The following TAF5L variants were observed in gnomAD, a reference collection of about 807,000 sequenced individuals.
The protein encoded by TAF5L is TATA-box binding protein associated factor 5 like, also known as TAF5-like RNA polymerase II p300/CBP-associated factor-associated factor 65 kDa subunit 5L.
In TAF5L, 7 loss-of-function variants were observed where a neutral mutation model predicts 51.3. The ratio of observed to expected loss-of-function variants is 0.14; its 90% CI spans 0.08 to 0.26. The LOEUF (loss-of-function observed/expected upper bound fraction) is 0.26. TAF5L is among the 10% of genes least tolerant of loss of function. TAF5L has a pLI of 1.00. For synonymous variants in TAF5L, 291 were observed against 308.1 expected, an observed-to-expected ratio of 0.94 and a Z score of 0.58; for missense variants, 575 against 758.9, an observed-to-expected ratio of 0.76 and a Z score of 2.85.
intron 1 of TAF5L, among the ~76,000 whole-genome samples, chr1:229,621,481 T>C (rs1274214120): frequency 6.6e-6 from 1 of 152,224 alleles, no homozygotes; most frequent in Non-Finnish European, 1.5e-5. Context: ...TATTTTATAG[T>C]GTTTTCTAAA....
chr1:229,606,152 A>C, intron 3 of TAF5L: 1 of 985,450 alleles, frequency 1.0e-6, no homozygotes, highest in Middle Eastern at 5.2e-4. Context: ...CATAGGTTCA[A>C]AATTGCTTAA....
intron 2 of TAF5L, among the ~76,000 whole-genome samples, chr1:229,613,664 T>C (rs1322528315): frequency 2.0e-4 from 31 of 152,194 alleles, no homozygotes; most frequent in Admixed American, 2.0e-3. Context: ...TAACCTGCTA[T>C]GCCAAATATT....
chr1:229,607,369 A>C, intron 3 of TAF5L: 1 of 985,446 alleles, frequency 1.0e-6, no homozygotes, highest in African/African-American at 1.7e-5. Flanking sequence ...AAATAATTTT[A>C]CAAACTGCTT....
rs750725634 is a variant in TAF5L at position 229,594,409 on chromosome 1, C to G, written c.1658G>C (p.Ser553Thr). 1.2e-6 allele frequency: 2 copies of G among 1,614,224 alleles called. No homozygotes were observed. The highest frequency in any genetic ancestry group is 1.7e-6 in the Non-Finnish European group (2 of 1,180,044). ...CCCGGTGTACACGCCCACGAGCTCG[C>G]TGGAGGAGCCGTCGGCAGGTGCACT... Residue 553 changes from serine (S) to threonine (T), a missense_variant, in exon 5 of 5, where the codon AGC (serine) becomes ACC (threonine). By Grantham distance (58) the Ser-to-Thr change is moderately conservative (BLOSUM62 1). Around this residue, in one of 3 missense-constraint regions of TAF5L, gnomAD observed 91 missense variants for 96.9 expected, o/e 0.94. Transcript: ENST00000258281. The surrounding 1 kb of genome is among the most constrained non-coding windows in gnomAD (Gnocchi z 7.9).
chr1:229,600,847 A>G lies in TAF5L; in HGVS notation c.972+1348T>C. ...AGATGTCATAATGCTATCTTCTTTA[A>G]TATTAATTTTTAATGCACAGAATAA... On this transcript the variant is annotated intron_variant, in intron 4 of 4. Transcript: ENST00000258281. The G allele has an allele frequency of 4.1e-6, 4 of 984,814 alleles. No individual in the cohort carries two copies. The African/African-American group carries it at 5.2e-5, about 13-fold the overall frequency. The allele number at this position is 984,814 out of a possible 1,614,324, so 61.0% of individuals were successfully genotyped here. A position where few individuals can be genotyped will look rare whatever the true frequency, so the allele number is the denominator to read the frequency against.
chr1:229,620,295 A>G (rs1196193542), intron 1 of TAF5L, among the ~76,000 whole-genome samples: 1 of 152,158 alleles, frequency 6.6e-6, no homozygotes, highest in Non-Finnish European at 1.5e-5. Flanking sequence ...CTCTGGGCTC[A>G]TGATCCTCCC....
At position 229,621,168 on chromosome 1, in the gene TAF5L, TTTTAA is replaced by T. The variant is rs111867435; in HGVS notation, c.-4+4712_-4+4716del. 4.5e-4 allele frequency among the ~76,000 whole-genome samples: 68 copies of T among 152,270 alleles called. 1 individual carries two copies. The highest frequency in any genetic ancestry group is 1.6e-3 in the African/African-American group (68 of 41,506). ...TAAGGAACTGAATTGTTTTAACTAA[TTTTAA>T]TTTAAGTAGTCATAAGTGGCCAATG... On this transcript the variant is annotated intron_variant, in intron 1 of 4. Coordinates refer to ENST00000258281, the Ensembl canonical transcript of TAF5L.
chr1:229,617,108 A>C (rs1267457627), intron 1 of TAF5L, among the ~76,000 whole-genome samples: 1 of 152,156 alleles, frequency 6.6e-6, no homozygotes, highest in African/African-American at 2.4e-5. Context: ...TTGCTAATAC[A>C]GGGATTCTGA....
intron 4 of TAF5L, among the ~76,000 whole-genome samples, chr1:229,596,128 G>T (rs1225421609): frequency 1.3e-5 from 2 of 152,138 alleles, no homozygotes; most frequent in African/African-American, 4.8e-5. Flanking sequence ...TAAAAAATTA[G>T]CTGGGCATGG....
chr1:229,607,942 TACAG>T (rs1365430958), intron 3 of TAF5L: 1 of 152,200 alleles, frequency 6.6e-6, no homozygotes, highest in Non-Finnish European at 1.5e-5. Flanking sequence ...AGAATCAAAT[TACAG>T]ACAAAATAAC....
upstream of TAF5L, chr1:229,626,102 C>A (rs1363409780): frequency 1.3e-5 from 2 of 151,424 alleles, no homozygotes; most frequent in Non-Finnish European, 3.0e-5. Flanking sequence ...GGGCCTCCAA[C>A]GCGCAACCGT....
At position 229,594,596 on chromosome 1, in the gene TAF5L, G is replaced by A. The variant is rs528748266; in HGVS notation, c.1471C>T (p.Arg491Trp). Reference sequence around the variant, plus strand: ...GAGGCCAAGTCCCACAGCTTCAACCGCTGGTCCTCGCCAGCAGACGCCAAG... The same window carrying A: ...GAGGCCAAGTCCCACAGCTTCAACCACTGGTCCTCGCCAGCAGACGCCAAG... Residue 491 changes from arginine to tryptophan, a missense_variant, in exon 5 of 5, where the codon CGG becomes TGG. Arg to Trp is a moderately radical substitution (Grantham distance 101). Around this residue, in one of 3 missense-constraint regions of TAF5L, gnomAD observed 104 missense variants for 218.3 expected, o/e 0.48. Coordinates refer to ENST00000258281, the Ensembl canonical transcript of TAF5L. This position sits in a 1 kb window ranked among gnomAD's most constrained non-coding sequence, Gnocchi z 7.9. 3 of 1,614,170 alleles carry A rather than the reference G, an allele frequency of 1.9e-6. No individual in the cohort carries two copies. Among genetic ancestry groups the A allele is most frequent in the South Asian group, 1.1e-5 (1 of 91,078 alleles).
At chr1:229,618,224 C>T (rs1010922542) in intron 1 of TAF5L, among the ~76,000 whole-genome samples, 16 of 152,148 alleles carry the variant, frequency 1.1e-4, no homozygotes, top group African/African-American at 3.9e-4. Flanking sequence ...CCTAGCTTTT[C>T]CTATAATTAT....
intron 1 of TAF5L, among the ~76,000 whole-genome samples, chr1:229,615,599 A>G (rs1221195109): frequency 6.6e-6 from 1 of 151,978 alleles, no homozygotes; most frequent in South Asian, 2.1e-4. Flanking sequence ...TCACAAAAAT[A>G]AAAAGAAAAG....
At chr1:229,624,978 AC>A (rs1488404665) in intron 1 of TAF5L, among the ~76,000 whole-genome samples, 1 of 152,168 alleles carries the variant, frequency 6.6e-6, no homozygotes, top group Non-Finnish European at 1.5e-5. Context: ...AGCAGGAGTC[AC>A]CATTCCGAGA....
chr1:229,596,285 A>G (rs186871905), intron 4 of TAF5L, among the ~76,000 whole-genome samples: 1 of 152,150 alleles, frequency 6.6e-6, no homozygotes, highest in East Asian at 1.9e-4. Context: ...AAAAAAACCC[A>G]AAACAAAAAC....
chr1:229,610,045 A>G (rs1302092900), intron 3 of TAF5L, 61 bp downstream of exon 3: 3 of 1,463,020 alleles, frequency 2.1e-6, no homozygotes, highest in Non-Finnish European at 2.9e-6. Flanking sequence ...CAGTGTGCCC[A>G]AAGTTGGTCT....
In TAF5L at chr1:229,594,500, C is replaced by G; in HGVS notation, c.1567G>C (p.Gly523Arg). ...TCCATGGAGGCAGAGGCAATCAAGCCGCTGTCTGGACTGAAGGTGAGGCTG... is the reference window on the plus strand; with the variant it reads ...TCCATGGAGGCAGAGGCAATCAAGCGGCTGTCTGGACTGAAGGTGAGGCTG... Residue 523 changes from glycine (G) to arginine (R), a missense_variant, in exon 5 of 5, where the codon GGC becomes CGC. This residue lies in a region of TAF5L where 91 missense variants were observed against 96.9 expected (regional missense o/e 0.94). Transcript: ENST00000258281. The surrounding 1 kb of genome is among the most constrained non-coding windows in gnomAD (Gnocchi z 7.9). The G allele has an allele frequency of 6.2e-7, 1 of 1,614,112 alleles. No individual in the cohort carries two copies. Among genetic ancestry groups the G allele is most frequent in the Non-Finnish European group, 8.5e-7 (1 of 1,179,978 alleles).
rs761194020 is a variant in TAF5L at position 229,594,690 on chromosome 1, G to A, written c.1377C>T (p.Asn459=). The change falls in exon 5 of 5, where the codon AAC becomes AAT. Residue 459 remains asparagine (N), a synonymous_variant. Transcript: ENST00000258281. This position sits in a 1 kb window ranked among gnomAD's most constrained non-coding sequence, Gnocchi z 7.9. ...GGTGGCCTGTGAAAAGCCTCACCGAGTTCCCCTGCTGAGCGCTCCACAGCC... is the reference window on the plus strand; with the variant it reads ...GGTGGCCTGTGAAAAGCCTCACCGAATTCCCCTGCTGAGCGCTCCACAGCC... The A allele has an allele frequency of 3.2e-5, 52 of 1,614,068 alleles. No homozygotes were observed. Among genetic ancestry groups the A allele is most frequent in the Non-Finnish European group, 4.2e-5 (50 of 1,180,036 alleles).
Sources: gnomAD v4.1 joint callset for allele counts (sites outside exome capture counted in the v4.1 genomes callset) on GRCh38, gnomAD v4.1.1 for gene constraint, gnomAD v4.1.1 regional missense constraint, Gnocchi (gnomAD v3.1) non-coding constraint, MANE v1.5 for transcripts, NCBI Gene and HGNC (gene_info 2026-07-23, HGNC 2026-07-21) for gene names.